The following ABCA13 variants were observed in gnomAD, a reference collection of about 807,000 sequenced individuals.
The protein encoded by ABCA13 is ATP-binding cassette sub-family A member 13.
A neutral mutation model predicts 478.7 loss-of-function variants in ABCA13; 476 were observed. The observed-to-expected ratio is 0.99, with a 90% confidence interval of 0.92 to 1.07. The LOEUF (loss-of-function observed/expected upper bound fraction) is 1.07. ABCA13 is among the 50% of genes least tolerant of loss of function. The probability of loss-of-function intolerance (pLI) is 0.00; values close to 1 mark genes in which losing one functional copy is unlikely to be tolerated. For synonymous variants in ABCA13, 2,252 were observed against 2,158.9 expected, an observed-to-expected ratio of 1.04 and a Z score of -1.20; for missense variants, 6,060 against 5,910.6, an observed-to-expected ratio of 1.03 and a Z score of -0.83.
At chr7:48,601,904 T>C (rs1447720073) in intron 58 of ABCA13, among the ~76,000 whole-genome samples, 1 of 152,238 alleles carries the variant, frequency 6.6e-6, no homozygotes, top group Non-Finnish European at 1.5e-5. Context: ...GACTTTTTAA[T>C]GATCACCATT....
intron 35 of ABCA13, among the ~76,000 whole-genome samples, chr7:48,378,559 C>T (rs1044393446): frequency 6.6e-6 from 1 of 152,162 alleles, no homozygotes; most frequent in African/African-American, 2.4e-5. Context: ...TCCATTCCTT[C>T]AGACTCCTAA....
chr7:48,512,520 A>G (rs1435900835), intron 51 of ABCA13, among the ~76,000 whole-genome samples: 2 of 152,206 alleles, frequency 1.3e-5, no homozygotes, highest in Non-Finnish European at 2.9e-5. Flanking sequence ...CTAAGAACAC[A>G]GTTTGATTTC....
chr7:48,528,046 T>C (rs1172018688), intron 54 of ABCA13, among the ~76,000 whole-genome samples, 190 bp from the exon 55 acceptor site: 2 of 152,230 alleles, frequency 1.3e-5, no homozygotes. Flanking sequence ...GAGAGGACTT[T>C]GTAATCTATA....
At chr7:48,548,417 G>A (rs909805737) in intron 55 of ABCA13, among the ~76,000 whole-genome samples, 4 of 151,802 alleles carry the variant, frequency 2.6e-5, no homozygotes, top group African/African-American at 9.7e-5. Flanking sequence ...TATAAAAGCC[G>A]AGTTGAAGTC....
chr7:48,405,377 C>T (rs1470320880), intron 39 of ABCA13, among the ~76,000 whole-genome samples: 1 of 152,176 alleles, frequency 6.6e-6, no homozygotes, highest in Non-Finnish European at 1.5e-5. Flanking sequence ...ACATTGCACC[C>T]AAAGATTCGA....
At position 48,245,925 on chromosome 7, in the gene ABCA13, G is replaced by T. The variant is rs771401651; in HGVS notation, c.1554G>T (p.Pro518=). 2.5e-6 allele frequency: 4 copies of T among 1,613,348 alleles called. No individual in the cohort carries two copies. The highest frequency in any genetic ancestry group is 3.4e-6 in the Non-Finnish European group (4 of 1,179,692). The part of the protein sequence containing the change: ...GRFSEKEVFL[P]PGNSSIWGGL... ...TCTCTGAGAAGGAGGTCTTTTTGCC[G>T]CCTGGAAACTCCAGCATATGGGGTG... Residue 518 remains proline, a synonymous_variant, in exon 13 of 62, where the codon CCG becomes CCT. Transcript: ENST00000435803.
intron 27 of ABCA13, among the ~76,000 whole-genome samples, chr7:48,323,604 G>T (rs759820912): frequency 6.6e-6 from 1 of 152,228 alleles, no homozygotes; most frequent in Admixed American, 6.5e-5. Context: ...ACCACTGCAG[G>T]TAGGTACTAA....
chr7:48,313,335 C>T lies in ABCA13; in HGVS notation c.9681+104C>T. 4 of 1,129,856 alleles carry T rather than the reference C, an allele frequency of 3.5e-6. No individual in the cohort carries two copies. In the South Asian group the frequency reaches 6.4e-5, roughly 18 times the overall value. 70.0% of individuals were successfully genotyped at this position (1,129,856 alleles called of 1,614,324 possible). ...TCCCACATCTAAAATTTGCATTAGA[C>T]AGCAAAATACAGGAATGAAAGTACC... On this transcript the variant is annotated intron_variant, in intron 25 of 61. Transcript: ENST00000435803.
chr7:48,557,860 T>C (rs1163216277), intron 55 of ABCA13, among the ~76,000 whole-genome samples: 4 of 152,222 alleles, frequency 2.6e-5, no homozygotes, highest in South Asian at 2.1e-4. Flanking sequence ...GTAAGTTCTC[T>C]GATATTATCC....
chr7:48,280,995 CT>C (rs1445127635), intron 18 of ABCA13, among the ~76,000 whole-genome samples: 1 of 152,200 alleles, frequency 6.6e-6, no homozygotes, highest in Non-Finnish European at 1.5e-5. Context: ...TTTTTCAGTT[CT>C]CCACAGAGGG....
At chr7:48,329,330 A>G (rs928174362) in intron 27 of ABCA13, among the ~76,000 whole-genome samples, 1 of 152,208 alleles carries the variant, frequency 6.6e-6, no homozygotes, top group Non-Finnish European at 1.5e-5. Flanking sequence ...AAAAGTGTAT[A>G]CAAGATAAAA....
intron 58 of ABCA13, among the ~76,000 whole-genome samples, chr7:48,601,106 C>T (rs1240042948): frequency 6.6e-6 from 1 of 151,912 alleles, no homozygotes; most frequent in Non-Finnish European, 1.5e-5. Flanking sequence ...GTGTTGACCC[C>T]TCTAGTGAAT....
At chr7:48,396,658 A>T (rs1816873944) in intron 38 of ABCA13, among the ~76,000 whole-genome samples, 1 of 152,224 alleles carries the variant, frequency 6.6e-6, no homozygotes, top group African/African-American at 2.4e-5. Context: ...CCCTAATGGG[A>T]GTACGGACCC....
chr7:48,202,933 G>T (rs1584157291), intron 3 of ABCA13, among the ~76,000 whole-genome samples: 3 of 151,816 alleles, frequency 2.0e-5, no homozygotes, highest in Admixed American at 6.6e-5. Context: ...CCCTTGGGCG[G>T]TCGATGGGAC....
intron 2 of ABCA13, among the ~76,000 whole-genome samples, chr7:48,197,317 T>C (rs1203524714): frequency 1.3e-5 from 2 of 152,150 alleles, no homozygotes; most frequent in Non-Finnish European, 2.9e-5. Context: ...GGGAAAGTGC[T>C]CCAGGTTTCA....
chr7:48,511,349 C>T (rs778800493), intron 51 of ABCA13, 150 bp downstream of exon 51: 1 of 680,768 alleles, frequency 1.5e-6, no homozygotes, highest in Non-Finnish European at 2.4e-6. Flanking sequence ...AGCAAACAAG[C>T]CTGAGCAGGA....
intron 42 of ABCA13, among the ~76,000 whole-genome samples, chr7:48,439,200 T>C (rs898293743): frequency 1.3e-5 from 2 of 152,116 alleles, no homozygotes; most frequent in Admixed American, 6.6e-5. Context: ...AATAAATGTA[T>C]TATTAAGAGT....
chr7:48,512,366 A>G (rs1831763557), intron 51 of ABCA13, among the ~76,000 whole-genome samples: 2 of 152,156 alleles, frequency 1.3e-5, no homozygotes, highest in African/African-American at 4.8e-5. Context: ...TTTAGCCATT[A>G]TTGTTACTCT....
At chr7:48,582,466 A>G (rs758706316) in intron 56 of ABCA13, among the ~76,000 whole-genome samples, 5 of 152,146 alleles carry the variant, frequency 3.3e-5, no homozygotes, top group African/African-American at 1.2e-4. Flanking sequence ...AGGCTTTCAG[A>G]ACTCATAGAT....
Sources: gnomAD v4.1 joint callset for allele counts (sites outside exome capture counted in the v4.1 genomes callset) on GRCh38, gnomAD v4.1.1 for gene constraint, MANE v1.5 for transcripts, NCBI Gene and HGNC (gene_info 2026-07-23, HGNC 2026-07-21) for gene names.